Variants in RBFOX1 observed in about 807,000 individuals in gnomAD.
RBFOX1 encodes the protein RNA binding fox-1 homolog 1.
In RBFOX1, 8 loss-of-function variants were observed where a neutral mutation model predicts 57.7. That is an observed-to-expected ratio of 0.14 (90% CI 0.08 to 0.25). The LOEUF is 0.25. Among genes scored for constraint, RBFOX1 ranks in the 10% least tolerant of loss-of-function variants. RBFOX1 has a pLI of 1.00. For missense variants in RBFOX1, 611 were observed against 548.5 expected (o/e 1.11, Z -1.14); for synonymous variants, 326 against 222.4 (o/e 1.47, Z -4.15).
chr16:6,124,573 G>C (rs924974599), intron 1 of RBFOX1, among the ~76,000 whole-genome samples: 3 of 152,024 alleles, frequency 2.0e-5, no homozygotes, highest in Admixed American at 6.6e-5. Flanking sequence ...CATAATCTCG[G>C]CTCATTTAAA....
chr16:5,548,003 T>TA (rs948131815), intron 2 of RBFOX1, among the ~76,000 whole-genome samples: 2 of 150,418 alleles, frequency 1.3e-5, no homozygotes, highest in African/African-American at 4.9e-5. Flanking sequence ...CTACTAAAAA[T>TA]AAAAAAAATT....
At chr16:6,171,334 C>A (rs13337184) in intron 1 of RBFOX1, among the ~76,000 whole-genome samples, 20,198 of 152,164 alleles carry the variant, frequency 0.13, 1,514 homozygotes, top group Middle Eastern at 0.24. Context: ...TCATGCATCC[C>A]CTATTGTTGA....
At chr16:7,640,149 T>A (rs1371307730) in intron 11 of RBFOX1, among the ~76,000 whole-genome samples, 3 of 152,240 alleles carry the variant, frequency 2.0e-5, no homozygotes, top group Non-Finnish European at 4.4e-5. Context: ...CTGCAACCAC[T>A]ACCCCCAACT....
rs562380519 is a variant in RBFOX1 at position 5,568,986 on chromosome 16, A to G, written c.259-29916A>G. Among the ~76,000 whole-genome samples the G allele has an allele frequency of 4.9e-4, 73 of 150,084 alleles. No individual in the cohort carries two copies. In the Middle Eastern group the frequency reaches 0.021, roughly 44 times the overall value. On this transcript the variant is annotated intron_variant, in intron 2 of 2. Transcript: ENST00000585867. ...CTCCTGAGTAGCTGATATTACAGGC[A>G]CATGCCACCACGCCCGGCTAATTTT...
At chr16:5,785,250 C>G (rs866058022) in intron 3 of RBFOX1, among the ~76,000 whole-genome samples, 1 of 152,178 alleles carries the variant, frequency 6.6e-6, no homozygotes. Context: ...GCAGTATGTT[C>G]AACCTCAACT....
intron 3 of RBFOX1, among the ~76,000 whole-genome samples, chr16:6,851,168 T>C (rs948711399): frequency 1.3e-5 from 2 of 152,248 alleles, no homozygotes; most frequent in African/African-American, 4.8e-5. Context: ...TCAGCAATCA[T>C]TTTTATGTAT....
intron 4 of RBFOX1, among the ~76,000 whole-genome samples, chr16:7,107,768 G>A (rs2063870084): frequency 6.6e-6 from 1 of 152,042 alleles, no homozygotes; most frequent in African/African-American, 2.4e-5. Flanking sequence ...AGCCCACACA[G>A]AATAAAAGTA....
intron 3 of RBFOX1, among the ~76,000 whole-genome samples, chr16:6,842,155 A>AAAT (rs2093504696): frequency 1.4e-5 from 2 of 148,036 alleles, no homozygotes; most frequent in African/African-American, 2.5e-5. Context: ...AAAAAAATAA[A>AAAT]AAATAAATAA....
intron 4 of RBFOX1, among the ~76,000 whole-genome samples, chr16:7,060,096 C>G (rs1159012): frequency 2.0e-5 from 3 of 152,030 alleles, no homozygotes; most frequent in Non-Finnish European, 4.4e-5. Flanking sequence ...AGAATTGATA[C>G]CATAGAGTTA....
chr16:6,943,969 G>C (rs1430183748), intron 3 of RBFOX1, among the ~76,000 whole-genome samples: 2 of 152,110 alleles, frequency 1.3e-5, no homozygotes, highest in Non-Finnish European at 2.9e-5. Flanking sequence ...GATTCTGGGG[G>C]CTGCCCAACT....
intron 1 of RBFOX1, among the ~76,000 whole-genome samples, chr16:5,420,081 CG>C (rs1285424657): frequency 6.6e-6 from 1 of 152,106 alleles, no homozygotes; most frequent in Non-Finnish European, 1.5e-5. Flanking sequence ...AGAGAGCAGA[CG>C]GGTGCTGTTT....
chr16:6,798,784 G>T (rs2084686209), intron 3 of RBFOX1, among the ~76,000 whole-genome samples: 1 of 152,156 alleles, frequency 6.6e-6, no homozygotes, highest in African/African-American at 2.4e-5. Context: ...AGTAGATTTA[G>T]TGGCACCATA....
chr16:5,811,808 A>G (rs1438874871), intron 3 of RBFOX1, among the ~76,000 whole-genome samples: 1 of 152,146 alleles, frequency 6.6e-6, no homozygotes, highest in Non-Finnish European at 1.5e-5. Context: ...ATATTCACCT[A>G]TTGTTTCTAT....
intron 3 of RBFOX1, among the ~76,000 whole-genome samples, chr16:6,893,464 G>C (rs2066004832): frequency 6.6e-6 from 1 of 152,106 alleles, no homozygotes; most frequent in Admixed American, 6.6e-5. Flanking sequence ...CTGAACTCTA[G>C]TAGCTGTGCG....
At position 7,605,485 on chromosome 16, in the gene RBFOX1, C is replaced by A. The variant is rs1294012074; in HGVS notation, c.623-1800C>A. ...TGAGATCATCCCGGGGGCTGTAAACCACCTAGCTTCTTCAGGTTGGAACTG... is the reference window on the plus strand; with the variant it reads ...TGAGATCATCCCGGGGGCTGTAAACAACCTAGCTTCTTCAGGTTGGAACTG... On this transcript the variant is annotated intron_variant, in intron 9 of 15. Transcript: ENST00000550418. Among the ~76,000 whole-genome samples the A allele has an allele frequency of 2.6e-5, 4 of 152,254 alleles. No individual in the cohort carries two copies. The East Asian group carries it at 5.8e-4, about 22-fold the overall frequency.
intron 3 of RBFOX1, among the ~76,000 whole-genome samples, chr16:6,996,905 C>A (rs912885815): frequency 1.3e-5 from 2 of 152,090 alleles, no homozygotes; most frequent in African/African-American, 4.8e-5. Context: ...GCTGATGGAA[C>A]TGAACTTTGC....
intron 3 of RBFOX1, among the ~76,000 whole-genome samples, chr16:6,794,482 T>G (rs2083570221): frequency 6.6e-6 from 1 of 152,144 alleles, no homozygotes; most frequent in African/African-American, 2.4e-5. Flanking sequence ...CCTTTGTGAT[T>G]TAATGTAATT....
intron 4 of RBFOX1, among the ~76,000 whole-genome samples, chr16:5,893,488 G>A (rs530933359): frequency 3.3e-5 from 5 of 152,298 alleles, no homozygotes; most frequent in African/African-American, 9.6e-5. Flanking sequence ...TGATGTGATT[G>A]TTACGCATCG....
At chr16:7,527,312 C>G (rs1002790691) in intron 5 of RBFOX1, among the ~76,000 whole-genome samples, 1 of 152,022 alleles carries the variant, frequency 6.6e-6, no homozygotes, top group Non-Finnish European at 1.5e-5. Flanking sequence ...CTTTATTACC[C>G]AATACTGTGC....
Sources: allele counts gnomAD v4.1 joint callset (sites outside exome capture counted in the v4.1 genomes callset), GRCh38; gene constraint gnomAD v4.1.1; transcripts MANE v1.5; gene names NCBI Gene and HGNC (gene_info 2026-07-23, HGNC 2026-07-21).